PMFBP1: variants seen among roughly 807,000 people sequenced by gnomAD.
The protein encoded by PMFBP1 is polyamine-modulated factor 1-binding protein 1.
In PMFBP1, 131 loss-of-function variants were observed where a neutral mutation model predicts 137.8. The ratio of observed to expected loss-of-function variants is 0.95; its 90% CI spans 0.82 to 1.10. The LOEUF (loss-of-function observed/expected upper bound fraction) is 1.10. PMFBP1 is among the 50% of genes least tolerant of loss of function. The pLI is 0.00. For missense variants in PMFBP1, 1,199 were observed against 1,175.4 expected, an observed-to-expected ratio of 1.02 and a Z score of -0.29; for synonymous variants, 490 against 450.4, an observed-to-expected ratio of 1.09 and a Z score of -1.11.
upstream of PMFBP1, among the ~76,000 whole-genome samples, chr16:72,180,990 C>T (rs1760137399): frequency 1.3e-5 from 2 of 152,152 alleles, no homozygotes; most frequent in South Asian, 4.1e-4. Flanking sequence ...CCTGTAATCC[C>T]AGCACTTTGG....
the PMFBP1 span, among the ~76,000 whole-genome samples, chr16:72,232,737 G>A: frequency 6.6e-6 from 1 of 152,152 alleles, no homozygotes; most frequent in African/African-American, 2.4e-5. Context: ...ACATGAAGAG[G>A]TTGGAGGAGT....
the PMFBP1 span, among the ~76,000 whole-genome samples, chr16:72,242,879 A>G: frequency 6.6e-6 from 1 of 152,306 alleles, no homozygotes; most frequent in East Asian, 1.9e-4. Context: ...TTTGTGTGCA[A>G]AGGGGAGGAG....
the PMFBP1 span, among the ~76,000 whole-genome samples, chr16:72,246,859 G>C: frequency 1.3e-5 from 2 of 152,264 alleles, no homozygotes; most frequent in East Asian, 3.9e-4. Context: ...AAGAGAGGGA[G>C]AGAGGGAAGG....
downstream of PMFBP1, among the ~76,000 whole-genome samples, chr16:72,118,533 T>C (rs757721429): frequency 2.1e-4 from 32 of 152,356 alleles, no homozygotes; most frequent in Admixed American, 3.9e-4. Context: ...GTGTAAGATC[T>C]TTCATTTCTT....
chr16:72,200,750 T>A, the PMFBP1 span, among the ~76,000 whole-genome samples: 2 of 152,230 alleles, frequency 1.3e-5, no homozygotes, highest in Non-Finnish European at 2.9e-5. Context: ...ACTATTACCT[T>A]ATTTCAACTG....
In PMFBP1 at chr16:72,130,692, G is replaced by T. The variant is rs368858308; in HGVS notation, c.1478C>A (p.Ala493Asp). 2.5e-6 allele frequency: 4 copies of T among 1,613,236 alleles called. No homozygotes were observed. In the African/African-American group the frequency reaches 5.3e-5, roughly 22 times the overall value. ...CTCCAGGTGACAGCCTGCCAGTGCAGCCTCTTCTTTGCACTGGGCTGCTTG... is the reference window on the plus strand; with the variant it reads ...CTCCAGGTGACAGCCTGCCAGTGCATCCTCTTCTTTGCACTGGGCTGCTTG... The part of the protein sequence containing the change: ...AQQAAQCKEE[A>D]ALAGCHLEDT... The change falls in exon 11 of 21, where the codon GCT (alanine) becomes GAT (aspartate). Residue 493 changes from alanine to aspartate, a missense_variant. Physicochemically the swap from Ala to Asp is moderately radical, Grantham distance 126. Transcript: ENST00000237353.
the PMFBP1 span, among the ~76,000 whole-genome samples, chr16:72,191,903 G>T: frequency 3.3e-5 from 5 of 152,184 alleles, no homozygotes; most frequent in Non-Finnish European, 5.9e-5. Context: ...AATGAAATTT[G>T]CTAACTACTG....
chr16:72,157,620 A>G (rs150153686), intron 3 of PMFBP1, among the ~76,000 whole-genome samples: 5 of 152,286 alleles, frequency 3.3e-5, no homozygotes, highest in Non-Finnish European at 7.3e-5. Context: ...AGGATCGTAT[A>G]GCCATTCTCG....
the PMFBP1 span, among the ~76,000 whole-genome samples, chr16:72,247,172 A>G: frequency 1.3e-5 from 2 of 152,226 alleles, no homozygotes; most frequent in Non-Finnish European, 2.9e-5. Context: ...AAGAACACAG[A>G]GACTTAAGGA....
downstream of PMFBP1, among the ~76,000 whole-genome samples, chr16:72,118,314 CAG>C (rs1271340257): frequency 6.6e-6 from 1 of 152,222 alleles, no homozygotes; most frequent in East Asian, 1.9e-4. Context: ...ACTATCATAA[CAG>C]AAACTACCAG....
the PMFBP1 span, among the ~76,000 whole-genome samples, chr16:72,183,713 G>C: frequency 2.0e-5 from 3 of 152,058 alleles, no homozygotes; most frequent in African/African-American, 7.2e-5. Flanking sequence ...CATAACAGTA[G>C]TTACCTATGA....
chr16:72,214,298 C>A, the PMFBP1 span, among the ~76,000 whole-genome samples: 1 of 152,002 alleles, frequency 6.6e-6, no homozygotes, highest in South Asian at 2.1e-4. Context: ...GGGTTCACAC[C>A]ATTCTCCTGC....
the PMFBP1 span, among the ~76,000 whole-genome samples, chr16:72,216,676 T>A: frequency 6.6e-6 from 1 of 151,932 alleles, no homozygotes; most frequent in Non-Finnish European, 1.5e-5. Context: ...ATGCAAAGAG[T>A]CCAGACATTT....
the PMFBP1 span, among the ~76,000 whole-genome samples, chr16:72,229,964 C>T: frequency 6.6e-6 from 1 of 152,186 alleles, no homozygotes; most frequent in Non-Finnish European, 1.5e-5. Flanking sequence ...TACCAGAGGG[C>T]TGGAGGTACA....
chr16:72,162,567 G>A (rs1396411136), intron 3 of PMFBP1, among the ~76,000 whole-genome samples: 2 of 152,230 alleles, frequency 1.3e-5, no homozygotes, highest in Non-Finnish European at 2.9e-5. Context: ...CCATGTGGAA[G>A]GCAGATCTTA....
chr16:72,194,478 C>G, the PMFBP1 span, among the ~76,000 whole-genome samples: 1 of 152,194 alleles, frequency 6.6e-6, no homozygotes, highest in Non-Finnish European at 1.5e-5. Flanking sequence ...TGTGGCTTAA[C>G]TGTGATTTGA....
chr16:72,207,895 T>C, the PMFBP1 span, among the ~76,000 whole-genome samples: 1 of 152,142 alleles, frequency 6.6e-6, no homozygotes, highest in Admixed American at 6.5e-5. Context: ...TCCAAATACC[T>C]GAGCATAGTA....
chr16:72,140,461 T>A lies in PMFBP1; in HGVS notation c.758A>T (p.Asp253Val), dbSNP rs771906112. Residue 253 changes from aspartate (D) to valine (V), a missense_variant, in exon 6 of 21, where the codon GAT becomes GTT. By Grantham distance (152) the Asp-to-Val change is radical. Coordinates refer to ENST00000237353, the MANE Select transcript of PMFBP1 (RefSeq NM_031293.3). Reference sequence around the variant, plus strand: ...ATTTCGAAGTTCTTGAATGAGATCATCCTGTTGAGAGACCTTTTGCCAGAC... The same window carrying A: ...ATTTCGAAGTTCTTGAATGAGATCAACCTGTTGAGAGACCTTTTGCCAGAC... ...SEVWQKVSQQ[D>V]DLIQELRNKL... 6.2e-7 allele frequency: 1 copy of A among 1,614,096 alleles called. No homozygotes were observed. Among genetic ancestry groups the A allele is most frequent in the Non-Finnish European group, 8.5e-7 (1 of 1,179,946 alleles).
intron 3 of PMFBP1, among the ~76,000 whole-genome samples, chr16:72,156,143 C>T (rs2042977041): frequency 6.6e-6 from 1 of 152,068 alleles, no homozygotes; most frequent in African/African-American, 2.4e-5. Flanking sequence ...TGTGCCACCA[C>T]ACCCAGCTAA....
Sources: gnomAD v4.1 joint callset for allele counts (sites outside exome capture counted in the v4.1 genomes callset) on GRCh38, gnomAD v4.1.1 for gene constraint, MANE v1.5 for transcripts, NCBI Gene and HGNC (gene_info 2026-07-23, HGNC 2026-07-21) for gene names.